ZNF718: variants seen among roughly 807,000 people sequenced by gnomAD.
ZNF718 encodes the protein zinc finger protein 718.
ZNF718 carries 3 observed loss-of-function variants against 2.6 expected under a neutral mutation model. The ratio of observed to expected loss-of-function variants is 1.16; its 90% CI spans 0.53 to 3.01. The LOEUF (loss-of-function observed/expected upper bound fraction) is 3.01. Among genes scored for constraint, ZNF718 ranks in the 30% most tolerant of loss-of-function variants. The pLI, the probability that ZNF718 is intolerant of heterozygous loss-of-function variation, is 0.03. For missense variants in ZNF718, 468 were observed against 230.0 expected (o/e 2.03, Z -6.69); for synonymous variants, 135 against 77.9 (o/e 1.73, Z -3.86).
At chr4:187,901 A>C (rs1717600505) in intron 3 of ZNF718, among the ~76,000 whole-genome samples, 3 of 152,318 alleles carry the variant, frequency 2.0e-5, no homozygotes, top group African/African-American at 4.8e-5. Flanking sequence ...CCCCCATCCC[A>C]GGGAGAAATT....
In ZNF718 at chr4:162,326, T is replaced by C; in HGVS notation, c.*204T>C. ...AAGCCTTCAAATGCTTGTCACATAT[T>C]ACTGAATATAATTCTTACTGCAGAA... On this transcript the variant is annotated 3_prime_UTR_variant, in exon 4 of 4. Coordinates refer to ENST00000510175, the MANE Select transcript of ZNF718 (RefSeq NM_001039127.6). 1 of 448,838 alleles carries C rather than the reference T, an allele frequency of 2.2e-6. No individual in the cohort carries two copies. The highest frequency in any genetic ancestry group is 3.8e-5 in the Admixed American group (1 of 26,592). 27.8% of individuals were successfully genotyped at this position (448,838 alleles called of 1,614,324 possible).
intron 3 of ZNF718, among the ~76,000 whole-genome samples, chr4:139,702 C>T (rs766856348): frequency 3.9e-5 from 6 of 152,184 alleles, no homozygotes; most frequent in Non-Finnish European, 5.9e-5. Context: ...CAACTGGTAA[C>T]GTATATTTTG....
At chr4:139,967 T>C (rs1435635528) in intron 3 of ZNF718, among the ~76,000 whole-genome samples, 1 of 152,074 alleles carries the variant, frequency 6.6e-6, no homozygotes, top group East Asian at 1.9e-4. Context: ...CCTTTATTTC[T>C]CAGTCTTTAA....
chr4:160,069 G>C (rs541652889), intron 3 of ZNF718, among the ~76,000 whole-genome samples: 1 of 152,302 alleles, frequency 6.6e-6, no homozygotes, highest in East Asian at 1.9e-4. Context: ...CCTGTTCCCT[G>C]TTTTTAGCAC....
intron 3 of ZNF718, among the ~76,000 whole-genome samples, chr4:153,905 A>C (rs147114863): frequency 2.6e-5 from 4 of 152,230 alleles, no homozygotes; most frequent in South Asian, 2.1e-4. Context: ...ATAATTGTGT[A>C]TGACAATATT....
chr4:156,341 G>T (rs1022953805), intron 3 of ZNF718, among the ~76,000 whole-genome samples: 2 of 152,050 alleles, frequency 1.3e-5, no homozygotes, highest in African/African-American at 4.8e-5. Flanking sequence ...ACCCTGTCTA[G>T]GTGAGTTGTC....
intron 3 of ZNF718, among the ~76,000 whole-genome samples, chr4:141,289 G>A (rs1488718953): frequency 6.6e-6 from 1 of 152,096 alleles, no homozygotes; most frequent in Non-Finnish European, 1.5e-5. Context: ...GAATCATTAG[G>A]CAAAAAATGT....
chr4:176,802 T>C (rs1265967746), intron 3 of ZNF718, among the ~76,000 whole-genome samples: 3 of 152,214 alleles, frequency 2.0e-5, no homozygotes, highest in Non-Finnish European at 4.4e-5. Context: ...CTCATTCTCT[T>C]ATTCAAACTA....
rs183364227 is a variant in ZNF718, at chr4:162,897, G to A, written c.*775G>A. ...GAATATTTACAGTAGAAAGAAAAAGGCATTAACACTTGAAACATTACAGTA... is the reference window on the plus strand; with the variant it reads ...GAATATTTACAGTAGAAAGAAAAAGACATTAACACTTGAAACATTACAGTA... On this transcript the variant is annotated 3_prime_UTR_variant, in exon 4 of 4. Transcript: ENST00000510175. 1 of 152,080 alleles carries A rather than the reference G, an allele frequency of 6.6e-6. No homozygotes were observed. Among genetic ancestry groups the A allele is most frequent in the South Asian group, 2.1e-4 (1 of 4,826 alleles). The allele number at this position is 152,080 out of a possible 1,614,324, so 9.4% of individuals were successfully genotyped here.
chr4:152,491 CT>C (rs1455440649), intron 3 of ZNF718, among the ~76,000 whole-genome samples: 1 of 148,146 alleles, frequency 6.8e-6, no homozygotes, highest in African/African-American at 2.5e-5. Flanking sequence ...CTTCAAGCAT[CT>C]GTTTAACAAA....
intron 3 of ZNF718, among the ~76,000 whole-genome samples, chr4:135,134 A>C (rs11730821): frequency 0.2 from 30,251 of 151,384 alleles, 3,189 homozygotes; most frequent in Admixed American, 0.27. Flanking sequence ...CCCAGCTACT[A>C]GGGAGGCTGA....
chr4:159,712 T>G (rs2108801915), intron 3 of ZNF718, among the ~76,000 whole-genome samples: 1 of 152,326 alleles, frequency 6.6e-6, no homozygotes, highest in East Asian at 1.9e-4. Context: ...TATATGTTTC[T>G]ATTTCACTCA....
At chr4:136,026 T>A (rs1473936743) in intron 3 of ZNF718, among the ~76,000 whole-genome samples, 2 of 152,104 alleles carry the variant, frequency 1.3e-5, no homozygotes, top group African/African-American at 2.4e-5. Flanking sequence ...TGTTCTGTCC[T>A]CCTGCTGATG....
intron 3 of ZNF718, among the ~76,000 whole-genome samples, chr4:177,174 C>T (rs1033410043): frequency 2.6e-5 from 4 of 152,192 alleles, no homozygotes; most frequent in Non-Finnish European, 4.4e-5. Flanking sequence ...GAATAGCTGT[C>T]ATTGTTATTG....
At chr4:143,083 T>C (rs1179667349) in intron 3 of ZNF718, among the ~76,000 whole-genome samples, 2 of 152,202 alleles carry the variant, frequency 1.3e-5, no homozygotes, top group African/African-American at 4.8e-5. Flanking sequence ...CCGTAACCTA[T>C]AAATAATGTG....
chr4:134,517 C>G (rs1017569426), intron 3 of ZNF718, among the ~76,000 whole-genome samples: 1 of 152,114 alleles, frequency 6.6e-6, no homozygotes, highest in Non-Finnish European at 1.5e-5. Context: ...AAAAATGACA[C>G]TAAAATTTTC....
intron 1 of ZNF718, among the ~76,000 whole-genome samples, chr4:126,733 G>GATGC (rs1421913005): frequency 6.6e-6 from 1 of 151,916 alleles, no homozygotes; most frequent in Non-Finnish European, 1.5e-5. Flanking sequence ...GATTGCCTGT[G>GATGC]ATGCACATCA....
At chr4:168,120 G>T (rs1007608728), downstream of ZNF718, among the ~76,000 whole-genome samples, 4 of 152,138 alleles carry the variant, frequency 2.6e-5, no homozygotes, top group East Asian at 7.7e-4. Flanking sequence ...TATGGTTTTT[G>T]TCATTGGTTC....
chr4:167,905 G>C (rs1476093026), downstream of ZNF718, among the ~76,000 whole-genome samples: 8 of 152,240 alleles, frequency 5.3e-5, no homozygotes, highest in East Asian at 7.7e-4. Context: ...GGAGTGGTGA[G>C]AGAGGGCATC....
Sources: allele counts gnomAD v4.1 joint callset (sites outside exome capture counted in the v4.1 genomes callset), GRCh38; gene constraint gnomAD v4.1.1; transcripts MANE v1.5; gene names NCBI Gene and HGNC (gene_info 2026-07-23, HGNC 2026-07-21).